Variants in SPCS2 observed in about 807,000 individuals in gnomAD.
SPCS2 encodes the protein SPase 25 kDa subunit.
A neutral mutation model predicts 22.3 loss-of-function variants in SPCS2; 3 were observed. That is an observed-to-expected ratio of 0.13 (90% CI 0.06 to 0.35). SPCS2 has a LOEUF of 0.35. Among genes scored for constraint, SPCS2 ranks in the 10% least tolerant of loss-of-function variants. SPCS2 has a pLI of 1.00. For missense variants in SPCS2, 169 were observed against 280.9 expected (o/e 0.60, Z 2.85); for synonymous variants, 67 against 97.2 (o/e 0.69, Z 1.83).
At chr11:74,950,114 A>G (rs941933292) in intron 1 of SPCS2, among the ~76,000 whole-genome samples, 20 of 152,200 alleles carry the variant, frequency 1.3e-4, no homozygotes, top group African/African-American at 4.6e-4. Context: ...AAAAGAAAAA[A>G]AGGAAAACTG....
In SPCS2 at chr11:74,950,405, G is replaced by T. The variant is rs568946461; in HGVS notation, c.114+1006G>T. ...CTTTAATATAGTAAGCAGAATTTTT[G>T]AATATAATTGAAAACAGCTTTCAGA... On this transcript the variant is annotated intron_variant, in intron 1 of 4. Transcript: ENST00000263672. Among the ~76,000 whole-genome samples, 5 of 152,260 alleles carry T rather than the reference G, an allele frequency of 3.3e-5. No homozygotes were observed. The South Asian group carries it at 6.2e-4, about 19-fold the overall frequency.
At chr11:74,968,714 G>C (rs115204927) in intron 3 of SPCS2, among the ~76,000 whole-genome samples, 1,941 of 152,006 alleles carry the variant, frequency 0.013, 48 homozygotes, top group African/African-American at 0.044. Context: ...GTAGAGACAT[G>C]GGGTTTCACC....
At chr11:74,966,304 T>G (rs1049112527) in intron 3 of SPCS2, among the ~76,000 whole-genome samples, 11 of 152,196 alleles carry the variant, frequency 7.2e-5, no homozygotes, top group African/African-American at 2.7e-4. Context: ...AAGGATCTGA[T>G]TTTGGAGACT....
chr11:74,963,495 G>T, intron 1 of SPCS2: 4 of 359,404 alleles, frequency 1.1e-5, no homozygotes, highest in African/African-American at 2.2e-5. Context: ...TTCTGTAGTT[G>T]TTTAAAATCT....
At position 74,976,890 on chromosome 11, in the gene SPCS2, C is replaced by T; in HGVS notation, c.528C>T (p.Phe176=). 1.2e-6 allele frequency: 2 copies of T among 1,613,426 alleles called. No individual in the cohort carries two copies. The highest frequency in any genetic ancestry group is 1.7e-6 in the Non-Finnish European group (2 of 1,179,630). The change falls in exon 5 of 5, where the codon TTC becomes TTT. Residue 176 remains phenylalanine, a synonymous_variant. Transcript: ENST00000263672. ...FDDKYTLKLT[F]ISGRTKQQRE... is the part of the protein sequence containing the mutation. ...ACAAATACACCTTGAAGCTGACCTT[C>T]ATCAGTGGGAGAACAAAGCAGCAGC...
At chr11:74,949,935 A>C (rs1948348335) in intron 1 of SPCS2, among the ~76,000 whole-genome samples, 1 of 152,142 alleles carries the variant, frequency 6.6e-6, no homozygotes, top group African/African-American at 2.4e-5. Context: ...AGAAGCCTTT[A>C]AGATTTTTCT....
intron 3 of SPCS2, among the ~76,000 whole-genome samples, chr11:74,966,237 C>T (rs1208895425): frequency 6.6e-6 from 1 of 152,138 alleles, no homozygotes; most frequent in African/African-American, 2.4e-5. Flanking sequence ...ATTTCTAGCC[C>T]AGAACTTTTC....
chr11:74,951,999 G>C (rs555219493), intron 1 of SPCS2, among the ~76,000 whole-genome samples: 1 of 152,050 alleles, frequency 6.6e-6, no homozygotes, highest in Non-Finnish European at 1.5e-5. Flanking sequence ...GCTCTCTAAA[G>C]GAACTGTAGT....
Position 74,958,894 on chromosome 11 carries a change from A to AT in SPCS2, c.115-6139dup, listed in dbSNP as rs1251362966. Among the ~76,000 whole-genome samples, 3 of 152,170 alleles carry AT rather than the reference A, an allele frequency of 2.0e-5. No homozygotes were observed. In the East Asian group the frequency reaches 5.8e-4, roughly 29 times the overall value. On this transcript the variant is annotated intron_variant, in intron 1 of 4. Transcript: ENST00000263672. Reference sequence around the variant, plus strand: ...GTCCAGTGTTACTCCCCTCCAGATCATCTGCCAGGTTGCCACTAAAATGAC... The same window carrying AT: ...GTCCAGTGTTACTCCCCTCCAGATCATTCTGCCAGGTTGCCACTAAAATGAC...
chr11:74,975,085 A>G (rs1474685129), intron 4 of SPCS2, among the ~76,000 whole-genome samples: 2 of 152,104 alleles, frequency 1.3e-5, no homozygotes, highest in Non-Finnish European at 2.9e-5. Flanking sequence ...AGAAGTCCAT[A>G]CATGTCTATT....
At chr11:74,966,819 A>G (rs1948548815) in intron 3 of SPCS2, among the ~76,000 whole-genome samples, 1 of 152,134 alleles carries the variant, frequency 6.6e-6, no homozygotes. Context: ...GCTGAAGTAC[A>G]GTGGTGTGAT....
chr11:74,950,852 A>T (rs1467491104), intron 1 of SPCS2, among the ~76,000 whole-genome samples: 2 of 152,142 alleles, frequency 1.3e-5, no homozygotes, highest in Admixed American at 6.5e-5. Flanking sequence ...CTGGCCTCAC[A>T]CTCAAACCTT....
At chr11:74,967,467 T>C (rs1351525992) in intron 3 of SPCS2, among the ~76,000 whole-genome samples, 3 of 152,212 alleles carry the variant, frequency 2.0e-5, no homozygotes, top group Non-Finnish European at 4.4e-5. Flanking sequence ...ATGTCTTCTG[T>C]TGCTGGGCAT....
intron 1 of SPCS2, among the ~76,000 whole-genome samples, chr11:74,961,053 A>G (rs1481894918): frequency 1.3e-5 from 2 of 151,116 alleles, no homozygotes; most frequent in African/African-American, 4.9e-5. Flanking sequence ...AAAAAAAGCT[A>G]TTGAGAGTAT....
At chr11:74,963,340 A>T (rs1016260456) in intron 1 of SPCS2, among the ~76,000 whole-genome samples, 1 of 152,154 alleles carries the variant, frequency 6.6e-6, no homozygotes, top group East Asian at 1.9e-4. Flanking sequence ...GGGAAAAAAA[A>T]CTTGATTGAC....
At chr11:74,951,999 G>T (rs555219493) in intron 1 of SPCS2, among the ~76,000 whole-genome samples, 1 of 152,168 alleles carries the variant, frequency 6.6e-6, no homozygotes, top group East Asian at 1.9e-4. Flanking sequence ...GCTCTCTAAA[G>T]GAACTGTAGT....
At chr11:74,971,965 A>G (rs1948587244) in intron 4 of SPCS2, among the ~76,000 whole-genome samples, 1 of 152,192 alleles carries the variant, frequency 6.6e-6, no homozygotes, top group African/African-American at 2.4e-5. Context: ...TCTCTGGCTT[A>G]GCTATCTTTC....
intron 3 of SPCS2, among the ~76,000 whole-genome samples, chr11:74,966,236 C>T (rs115220472): frequency 7.2e-4 from 110 of 152,222 alleles, no homozygotes; most frequent in African/African-American, 2.5e-3. Flanking sequence ...CATTTCTAGC[C>T]CAGAACTTTT....
chr11:74,969,018 T>G (rs528715957), intron 3 of SPCS2, among the ~76,000 whole-genome samples: 1 of 152,288 alleles, frequency 6.6e-6, no homozygotes, highest in African/African-American at 2.4e-5. Flanking sequence ...CTTATGCCAG[T>G]TTTTGGCAAA....
Sources: gnomAD v4.1 joint callset for allele counts (sites outside exome capture counted in the v4.1 genomes callset) on GRCh38, gnomAD v4.1.1 for gene constraint, MANE v1.5 for transcripts, NCBI Gene and HGNC (gene_info 2026-07-23, HGNC 2026-07-21) for gene names.